Variants in GNAI1 observed in about 807,000 individuals in gnomAD.
GNAI1 encodes G protein subunit alpha i1.
In GNAI1, 11 loss-of-function variants were observed where a neutral mutation model predicts 38.9. The ratio of observed to expected loss-of-function variants is 0.28; its 90% CI spans 0.18 to 0.47. GNAI1 has a LOEUF of 0.47. Ranked by LOEUF, GNAI1 falls within the 20% of genes least tolerant of loss-of-function variation. GNAI1 has a pLI of 0.99. For missense variants in GNAI1, 317 were observed against 436.9 expected, an observed-to-expected ratio of 0.73 and a Z score of 2.45; for synonymous variants, 166 against 145.1, an observed-to-expected ratio of 1.14 and a Z score of -1.04.
chr7:80,160,171 A>G (rs1787897004), intron 1 of GNAI1, among the ~76,000 whole-genome samples: 2 of 150,784 alleles, frequency 1.3e-5, no homozygotes, highest in African/African-American at 4.9e-5. Context: ...TACTCTAGGT[A>G]GCCTCTCCTC....
At chr7:80,156,505 T>C (rs554253344) in intron 1 of GNAI1, among the ~76,000 whole-genome samples, 1 of 152,136 alleles carries the variant, frequency 6.6e-6, no homozygotes, top group South Asian at 2.1e-4. Context: ...CATAGCTCAC[T>C]CTAACCTCAG....
At chr7:80,140,912 C>T (rs975609826) in intron 1 of GNAI1, among the ~76,000 whole-genome samples, 2 of 152,124 alleles carry the variant, frequency 1.3e-5, no homozygotes, top group African/African-American at 4.8e-5. Flanking sequence ...CCTTTTTCAG[C>T]TCTACAGAGG....
intron 4 of GNAI1, among the ~76,000 whole-genome samples, chr7:80,202,964 T>C (rs62462672): frequency 0.096 from 14,674 of 152,242 alleles, 762 homozygotes; most frequent in Middle Eastern, 0.12. Context: ...CATGAATCCT[T>C]CTTTAATCAC....
chr7:80,211,883 T>G (rs1242280858), intron 6 of GNAI1, among the ~76,000 whole-genome samples: 2 of 152,206 alleles, frequency 1.3e-5, no homozygotes, highest in Non-Finnish European at 2.9e-5. Context: ...AATGTCGGTT[T>G]TGTTCAGTTG....
intron 1 of GNAI1, among the ~76,000 whole-genome samples, chr7:80,174,288 C>T (rs540936575): frequency 6.6e-6 from 1 of 152,076 alleles, no homozygotes; most frequent in South Asian, 2.1e-4. Flanking sequence ...ACTCAGAGAT[C>T]ATTGTTCTGA....
At chr7:80,210,750 A>T (rs1369266858) in intron 5 of GNAI1, among the ~76,000 whole-genome samples, 3 of 140,550 alleles carry the variant, frequency 2.1e-5, no homozygotes, top group Non-Finnish European at 4.6e-5. Flanking sequence ...TTTTTTAGAG[A>T]TACCCTCCCT....
intron 5 of GNAI1, 85 bp downstream of exon 5, chr7:80,203,917 C>A: frequency 3.8e-6 from 3 of 785,934 alleles, no homozygotes; most frequent in African/African-American, 1.8e-5. Flanking sequence ...AAGTTTACAA[C>A]ATTTTTACAG....
At chr7:80,180,171 A>G (rs1395468922) in intron 1 of GNAI1, among the ~76,000 whole-genome samples, 1 of 152,216 alleles carries the variant, frequency 6.6e-6, no homozygotes. Context: ...CTTTAGACAA[A>G]GCAGTATATG....
intron 1 of GNAI1, among the ~76,000 whole-genome samples, chr7:80,164,149 ATTC>A (rs1787972855): frequency 1.4e-5 from 2 of 144,914 alleles, no homozygotes; most frequent in Non-Finnish European, 3.0e-5. Flanking sequence ...GGTTCAAGCA[ATTC>A]TTCTGCCTCA....
chr7:80,209,835 T>C (rs973232523), intron 5 of GNAI1, among the ~76,000 whole-genome samples: 1 of 152,238 alleles, frequency 6.6e-6, no homozygotes, highest in Admixed American at 6.5e-5. Flanking sequence ...TTACCAGCTA[T>C]GTTTTTTACA....
intron 1 of GNAI1, among the ~76,000 whole-genome samples, chr7:80,171,643 G>A (rs2115565736): frequency 6.6e-6 from 1 of 152,310 alleles, no homozygotes; most frequent in South Asian, 2.1e-4. Context: ...ATTGACAGAT[G>A]ATGTACTTTG....
Position 80,225,885 on chromosome 7 carries a change from GCACA to G in GNAI1, c.*8403_*8406del, listed in dbSNP as rs145651168. ...CTACCCTTGTCCTTGGAATGTGTATGCACACACACACACATCTGTGAGAATGATT... is the reference window on the plus strand; with the variant it reads ...CTACCCTTGTCCTTGGAATGTGTATGCACACACACATCTGTGAGAATGATT... On this transcript the variant is annotated 3_prime_UTR_variant, in exon 8 of 8. Coordinates refer to ENST00000649796, the MANE Select transcript of GNAI1 (RefSeq NM_002069.6). Among the ~76,000 whole-genome samples the G allele has an allele frequency of 5.9e-5, 9 of 151,778 alleles. No homozygotes were observed. The highest frequency in any genetic ancestry group is 3.9e-4 in the East Asian group (2 of 5,164).
chr7:80,168,157 C>T (rs1788043452), intron 1 of GNAI1, among the ~76,000 whole-genome samples: 1 of 152,134 alleles, frequency 6.6e-6, no homozygotes, highest in African/African-American at 2.4e-5. Context: ...GCCCTAGGTG[C>T]TGCCTCAGAC....
rs931241097 is a variant in GNAI1 at position 80,222,703 on chromosome 7, A to G, written c.*5210A>G. On this transcript the variant is annotated 3_prime_UTR_variant, in exon 8 of 8. Transcript: ENST00000649796. ...CACCTGGCCAAAATATTTTTAATTG[A>G]TTAAAAATGAGATAATTTGAGGAAA... 1.3e-5 allele frequency among the ~76,000 whole-genome samples: 2 copies of G among 152,120 alleles called. No individual in the cohort carries two copies. Among genetic ancestry groups the G allele is most frequent in the Non-Finnish European group, 1.5e-5 (1 of 68,016 alleles).
At chr7:80,164,402 G>A (rs571492119) in intron 1 of GNAI1, among the ~76,000 whole-genome samples, 16 of 143,278 alleles carry the variant, frequency 1.1e-4, no homozygotes, top group African/African-American at 2.9e-4. Context: ...TTGCTCTGTC[G>A]CCCAGGCTGG....
rs1789074037 is a variant in GNAI1, at chr7:80,221,529, G to A, written c.*4036G>A. Among the ~76,000 whole-genome samples the A allele has an allele frequency of 6.6e-6, 1 of 151,726 alleles. No individual in the cohort carries two copies. The highest frequency in any genetic ancestry group is 6.6e-5 in the Admixed American group (1 of 15,236). Reference sequence around the variant, plus strand: ...ACTAAGTGTCTCACATATTGATACTGGAAAATGAGAAAATGCAATCTCTAA... The same window carrying A: ...ACTAAGTGTCTCACATATTGATACTAGAAAATGAGAAAATGCAATCTCTAA... On this transcript the variant is annotated 3_prime_UTR_variant, in exon 8 of 8. Coordinates refer to ENST00000649796, the MANE Select transcript of GNAI1 (RefSeq NM_002069.6).
intron 1 of GNAI1, among the ~76,000 whole-genome samples, chr7:80,179,580 AAATT>A (rs1788254705): frequency 6.6e-6 from 1 of 152,330 alleles, no homozygotes; most frequent in Non-Finnish European, 1.5e-5. Flanking sequence ...AATTAATTAA[AAATT>A]AAGCAGAACA....
At chr7:80,154,958 A>G (rs561268604) in intron 1 of GNAI1, among the ~76,000 whole-genome samples, 1 of 152,288 alleles carries the variant, frequency 6.6e-6, no homozygotes, top group African/African-American at 2.4e-5. Flanking sequence ...ATATAGTTTG[A>G]TCTTTAGTGA....
At chr7:80,150,367 A>C (rs147605768) in intron 1 of GNAI1, among the ~76,000 whole-genome samples, 1 of 152,240 alleles carries the variant, frequency 6.6e-6, no homozygotes, top group Non-Finnish European at 1.5e-5. Flanking sequence ...AACTATAGAA[A>C]TGAAGTGCTA....
Sources: allele counts gnomAD v4.1 joint callset (sites outside exome capture counted in the v4.1 genomes callset), GRCh38; gene constraint gnomAD v4.1.1; transcripts MANE v1.5; gene names NCBI Gene and HGNC (gene_info 2026-07-23, HGNC 2026-07-21).